Variants in TMEM39B observed in about 807,000 individuals in gnomAD.
TMEM39B encodes the protein transmembrane protein 39B.
In TMEM39B, 23 loss-of-function variants were observed where a neutral mutation model predicts 52.2. The ratio of observed to expected loss-of-function variants is 0.44; its 90% CI spans 0.32 to 0.62. The LOEUF (loss-of-function observed/expected upper bound fraction) is 0.62, where lower values mean the gene tolerates loss of function less well. Among genes scored for constraint, TMEM39B ranks in the 20% least tolerant of loss-of-function variants. The pLI is 0.06. For synonymous variants in TMEM39B, 285 were observed against 264.0 expected (o/e 1.08, Z -0.77); for missense variants, 547 against 642.0 (o/e 0.85, Z 1.60).
In TMEM39B at chr1:32,102,645, A is replaced by C; in HGVS notation, c.1451A>C (p.Gln484Pro). 6.3e-7 allele frequency: 1 copy of C among 1,599,234 alleles called. No individual in the cohort carries two copies. The highest frequency in any genetic ancestry group is 8.5e-7 in the Non-Finnish European group (1 of 1,171,336). ...GKAYSYSASP[Q>P]RDLDHRFS The stretch of plus-strand genomic sequence containing the variant: ...GCCTACTCATACTCTGCTAGCCCCC[A>C]GAGAGACCTGGACCACCGTTTCTCC... Residue 484 changes from glutamine (Q) to proline (P), a missense_variant, in exon 9 of 9, where the codon CAG becomes CCG. Coordinates refer to ENST00000336294, the MANE Select transcript of TMEM39B (RefSeq NM_018056.4).
chr1:32,089,744 TG>T (rs1431829035), intron 5 of TMEM39B, among the ~76,000 whole-genome samples: 2 of 150,738 alleles, frequency 1.3e-5, no homozygotes, highest in South Asian at 2.1e-4. Context: ...CCTCCTGAAA[TG>T]TAGCATTGTC....
At position 32,077,180 on chromosome 1, in the gene TMEM39B, A is replaced by C; in HGVS notation, c.452A>C (p.Lys151Thr). The C allele has an allele frequency of 8.7e-6, 14 of 1,614,064 alleles. No individual in the cohort carries two copies. Among genetic ancestry groups the C allele is most frequent in the Non-Finnish European group, 1.1e-5 (13 of 1,180,008 alleles). Residue 151 changes from lysine to threonine, a missense_variant, in exon 5 of 9, where the codon AAG becomes ACG. Lys to Thr is a moderately conservative substitution (Grantham distance 78, BLOSUM62 -1). Transcript: ENST00000336294. ...CCGACCCAGGCCTCTCAGAGGGGGA[A>C]GGTCTCCCTCTTTCGCTCCATCCTG... ...SIVKEASQRG[K>T]VSLFRSILLF...
Position 32,096,451 on chromosome 1 carries a change from CTTTT to C in TMEM39B, c.1115+1503_1115+1506del, listed in dbSNP as rs965499225. On this transcript the variant is annotated intron_variant, in intron 7 of 8. Transcript: ENST00000336294. Reference sequence around the variant, plus strand: ...CTAGCACTCAGTTGTCTCCTCTGGCCTTTTTTTTTTTTTTTTTTTTTTTTTTGAG... The same window carrying C: ...CTAGCACTCAGTTGTCTCCTCTGGCCTTTTTTTTTTTTTTTTTTTTTTGAG... Among the ~76,000 whole-genome samples the C allele has an allele frequency of 3.6e-3, 377 of 104,882 alleles. 1 individual carries two copies. Among genetic ancestry groups the C allele is most frequent in the African/African-American group, 0.015 (343 of 23,414 alleles). 68.8% of individuals were successfully genotyped at this position (104,882 alleles called of 152,430 possible). A position where few individuals can be genotyped will look rare whatever the true frequency, so the allele number is the denominator to read the frequency against.
rs187650792 is a variant in TMEM39B at position 32,090,639 on chromosome 1, T to G, written c.591-1036T>G. On this transcript the variant is annotated intron_variant, in intron 5 of 8. Transcript: ENST00000336294. ...ATTTTTTTTTGTTGTTGTTGTTGTTTTTTGTTTTTTTGTTTTTTGAGACGG... is the reference window on the plus strand; with the variant it reads ...ATTTTTTTTTGTTGTTGTTGTTGTTGTTTGTTTTTTTGTTTTTTGAGACGG... Among the ~76,000 whole-genome samples, 971 of 151,592 alleles carry G rather than the reference T, an allele frequency of 6.4e-3. 8 individuals carry two copies. Among genetic ancestry groups the G allele is most frequent in the Middle Eastern group, 0.014 (4 of 290 alleles).
intron 5 of TMEM39B, among the ~76,000 whole-genome samples, chr1:32,079,356 T>C (rs1023853750): frequency 2.0e-5 from 3 of 151,864 alleles, no homozygotes; most frequent in South Asian, 4.2e-4. Flanking sequence ...AGCTAATTTT[T>C]TGTATTTTTA....
chr1:32,073,214 G>A (rs1180430168), intron 1 of TMEM39B, 163 bp downstream of exon 1: 1 of 941,262 alleles, frequency 1.1e-6, no homozygotes, highest in African/African-American at 1.7e-5. Flanking sequence ...TTTGCGGGGT[G>A]GGGCCTCTGT....
At chr1:32,093,761 T>A (rs1343819842) in intron 6 of TMEM39B, among the ~76,000 whole-genome samples, 1 of 151,606 alleles carries the variant, frequency 6.6e-6, no homozygotes, top group Non-Finnish European at 1.5e-5. Context: ...TCATAAGTGT[T>A]ACAATCCTCC....
chr1:32,092,156 AT>A, intron 6 of TMEM39B, 145 bp downstream of exon 6: 1 of 766,546 alleles, frequency 1.3e-6, no homozygotes, highest in Non-Finnish European at 2.1e-6. Flanking sequence ...TACTATCTCC[AT>A]TTTATTTTTT....
intron 3 of TMEM39B, chr1:32,076,059 G>T: frequency 3.8e-5 from 9 of 237,310 alleles, no homozygotes; most frequent in East Asian, 8.6e-5. Context: ...ATCTGACAAA[G>T]ATTTTGCCTA....
At chr1:32,100,034 C>G (rs923838318) in intron 7 of TMEM39B, among the ~76,000 whole-genome samples, 5 of 151,266 alleles carry the variant, frequency 3.3e-5, no homozygotes, top group Non-Finnish European at 7.4e-5. Flanking sequence ...GCGACAAGAT[C>G]GAAACTCATT....
At chr1:32,074,651 G>C (rs1639775998) in intron 1 of TMEM39B, among the ~76,000 whole-genome samples, 1 of 152,154 alleles carries the variant, frequency 6.6e-6, no homozygotes, top group South Asian at 2.1e-4. Flanking sequence ...CTTCAGAAAT[G>C]GCAGTCCGGG....
chr1:32,090,544 A>G (rs1347847154), intron 5 of TMEM39B, among the ~76,000 whole-genome samples: 1 of 151,890 alleles, frequency 6.6e-6, no homozygotes, highest in Non-Finnish European at 1.5e-5. Context: ...TCAACCTCCT[A>G]GGTTCAGGTG....
intron 7 of TMEM39B, 75 bp from the exon 8 acceptor site, chr1:32,100,367 C>T (rs1640972558): frequency 1.3e-5 from 19 of 1,470,012 alleles, no homozygotes; most frequent in Middle Eastern, 4.0e-4. Context: ...CTGGTGATTC[C>T]CTCCTGCCCA....
chr1:32,100,667 C>T, intron 8 of TMEM39B, 105 bp downstream of exon 8: 1 of 1,493,686 alleles, frequency 6.7e-7, no homozygotes, highest in Non-Finnish European at 9.2e-7. Flanking sequence ...TTCAGTATTT[C>T]CCCAATCCAA....
In TMEM39B at chr1:32,100,436, C is replaced by A. The variant is rs761136554; in HGVS notation, c.1116-6C>A. 1 of 1,582,204 alleles carries A rather than the reference C, an allele frequency of 6.3e-7. No homozygotes were observed. Among genetic ancestry groups the A allele is most frequent in the Non-Finnish European group, 8.6e-7 (1 of 1,164,590 alleles). ...GATAAGGGGCACCATTGAACTGTGC[C>A]CCCAGGTGGACTGAAGAATGCATGT... On this transcript the variant is annotated splice_polypyrimidine_tract_variant and splice_region_variant and intron_variant, in intron 7 of 8. Transcript: ENST00000336294.
Position 32,102,779 on chromosome 1 carries a change from C to A in TMEM39B, c.*106C>A. 1 of 1,289,222 alleles carries A rather than the reference C, an allele frequency of 7.8e-7. No homozygotes were observed. Among genetic ancestry groups the A allele is most frequent in the African/African-American group, 1.5e-5 (1 of 66,340 alleles). 79.9% of individuals were successfully genotyped at this position (1,289,222 alleles called of 1,614,324 possible). ...TGGGGGGGACAAAAGACAAAAAAATCCACCAGAGCTTTGTATTTTTGTTAC... is the reference window on the plus strand; with the variant it reads ...TGGGGGGGACAAAAGACAAAAAAATACACCAGAGCTTTGTATTTTTGTTAC... On this transcript the variant is annotated 3_prime_UTR_variant, in exon 9 of 9. Coordinates refer to ENST00000336294, the MANE Select transcript of TMEM39B (RefSeq NM_018056.4).
chr1:32,099,167 G>A (rs938430820), intron 7 of TMEM39B, among the ~76,000 whole-genome samples: 6 of 151,796 alleles, frequency 4.0e-5, no homozygotes, highest in African/African-American at 1.5e-4. Context: ...AACCCAGGAG[G>A]TGGAGGTTGC....
chr1:32,095,068 T>C, intron 7 of TMEM39B, 97 bp downstream of exon 7: 1 of 1,387,062 alleles, frequency 7.2e-7, no homozygotes, highest in Admixed American at 2.0e-5. Context: ...AGTTAGCAAA[T>C]AGTTATTGAG....
intron 5 of TMEM39B, among the ~76,000 whole-genome samples, chr1:32,084,616 G>A (rs189620250): frequency 1.1e-4 from 16 of 151,970 alleles, no homozygotes; most frequent in Non-Finnish European, 1.5e-4. Context: ...GTCGCCCAGG[G>A]TGGAGTGCAA....
Sources: gnomAD v4.1 joint callset for allele counts (sites outside exome capture counted in the v4.1 genomes callset) on GRCh38, gnomAD v4.1.1 for gene constraint, MANE v1.5 for transcripts, NCBI Gene and HGNC (gene_info 2026-07-23, HGNC 2026-07-21) for gene names.